ZPLD1: variants seen among roughly 807,000 people sequenced by gnomAD.
The protein encoded by ZPLD1 is zona pellucida-like domain-containing protein 1.
Under a neutral mutation model 47.2 loss-of-function variants are expected in ZPLD1, and 34 were observed. The observed-to-expected ratio is 0.72, with a 90% CI of 0.55 to 0.96. ZPLD1 has a LOEUF of 0.96. Ranked by LOEUF, ZPLD1 falls within the 40% of genes least tolerant of loss-of-function variation. The probability of loss-of-function intolerance (pLI) is 0.00; values close to 1 mark genes in which losing one functional copy is unlikely to be tolerated. For synonymous variants in ZPLD1, 176 were observed against 186.2 expected (o/e 0.95, Z 0.45); for missense variants, 512 against 505.8 (o/e 1.01, Z -0.12).
chr3:102,407,033 G>C (rs1706695587), intron 7 of ZPLD1, among the ~76,000 whole-genome samples: 1 of 151,668 alleles, frequency 6.6e-6, no homozygotes, highest in African/African-American at 2.4e-5. Context: ...CAGGTTCTGT[G>C]GGAGTAGCTC....
Position 102,435,023 on chromosome 3 carries a change from G to A in ZPLD1, c.-254G>A. The A allele has an allele frequency of 7.0e-7, 1 of 1,426,846 alleles. No homozygotes were observed. The highest frequency in any genetic ancestry group is 9.9e-7 in the Non-Finnish European group (1 of 1,013,314). The allele number at this position is 1,426,846 out of a possible 1,614,324, so 88.4% of individuals were successfully genotyped here. A position where few individuals can be genotyped will look rare whatever the true frequency, so the allele number is the denominator to read the frequency against. On this transcript the variant is annotated 5_prime_UTR_variant, in exon 1 of 12. Transcript: ENST00000466937. ...TATGTTTTTGAGGAATGTAAAGGGT[G>A]TTAACATAATCCCCCAATCCCATAC...
intron 4 of ZPLD1, 140 bp downstream of exon 4, chr3:102,453,279 G>C (rs1707367075): frequency 1.3e-6 from 1 of 747,340 alleles, no homozygotes; most frequent in Admixed American, 2.7e-5. Context: ...GCCTGTTTGA[G>C]GCATGCACTA....
At chr3:102,466,048 A>G (rs1375520224) in intron 8 of ZPLD1, among the ~76,000 whole-genome samples, 2 of 152,328 alleles carry the variant, frequency 1.3e-5, no homozygotes, top group East Asian at 3.9e-4. Flanking sequence ...TCAGAGCCTC[A>G]GAAGTGGCAG....
intron 11 of ZPLD1, 124 bp downstream of exon 11, chr3:102,477,165 C>A: frequency 9.1e-7 from 1 of 1,102,360 alleles, no homozygotes. Flanking sequence ...TAACAGTTCA[C>A]TGAGGGTTTT....
chr3:102,450,538 A>C (rs1707322259), intron 3 of ZPLD1, among the ~76,000 whole-genome samples: 1 of 152,166 alleles, frequency 6.6e-6, no homozygotes, highest in Non-Finnish European at 1.5e-5. Flanking sequence ...GAGCATGCAG[A>C]GGTAGGCAGG....
At chr3:102,395,970 A>G (rs1392091224) in intron 7 of ZPLD1, among the ~76,000 whole-genome samples, 1 of 152,180 alleles carries the variant, frequency 6.6e-6, no homozygotes, top group East Asian at 1.9e-4. Context: ...TGCTGCTTTT[A>G]ATAATGCATG....
intron 7 of ZPLD1, among the ~76,000 whole-genome samples, chr3:102,403,052 TTTA>T (rs1316664558): frequency 6.6e-6 from 1 of 151,912 alleles, no homozygotes; most frequent in Non-Finnish European, 1.5e-5. Flanking sequence ...CCACCCCTAC[TTTA>T]TTATTATTAT....
chr3:102,473,630 G>C (rs1224672160), intron 10 of ZPLD1, among the ~76,000 whole-genome samples: 1 of 151,982 alleles, frequency 6.6e-6, no homozygotes, highest in Non-Finnish European at 1.5e-5. Context: ...GGTCTTCTTT[G>C]ATCATCATGG....
At chr3:102,415,108 T>A (rs948496671) in intron 7 of ZPLD1, among the ~76,000 whole-genome samples, 7 of 151,860 alleles carry the variant, frequency 4.6e-5, no homozygotes, top group African/African-American at 1.7e-4. Context: ...CTGAGTCTGT[T>A]CTTATAATTC....
chr3:102,398,534 C>T (rs548644350), intron 7 of ZPLD1, among the ~76,000 whole-genome samples: 1 of 152,180 alleles, frequency 6.6e-6, no homozygotes, highest in South Asian at 2.1e-4. Flanking sequence ...TTATATACTA[C>T]CTCCAGAGAC....
chr3:102,423,782 A>G (rs926627639), intron 8 of ZPLD1, among the ~76,000 whole-genome samples: 3 of 152,112 alleles, frequency 2.0e-5, no homozygotes, highest in Non-Finnish European at 4.4e-5. Flanking sequence ...CAATGGTGGC[A>G]TGCATAGTCT....
intron 7 of ZPLD1, among the ~76,000 whole-genome samples, chr3:102,398,343 C>T (rs908507188): frequency 5.9e-5 from 9 of 152,124 alleles, no homozygotes; most frequent in East Asian, 5.8e-4. Context: ...AGGGAATTAG[C>T]GTACTTAGAT....
In ZPLD1 at chr3:102,435,018, A is replaced by G. The variant is rs1264703528; in HGVS notation, c.-259A>G. ...GATGATATGTTTTTGAGGAATGTAA[A>G]GGGTGTTAACATAATCCCCCAATCC... On this transcript the variant is annotated 5_prime_UTR_variant, in exon 1 of 12. Coordinates refer to ENST00000466937, the MANE Select transcript of ZPLD1 (RefSeq NM_001329788.2). The G allele has an allele frequency of 1.5e-6, 2 of 1,347,810 alleles. No individual in the cohort carries two copies. Among genetic ancestry groups the G allele is most frequent in the Non-Finnish European group, 2.1e-6 (2 of 944,002 alleles). The allele number at this position is 1,347,810 out of a possible 1,614,324, so 83.5% of individuals were successfully genotyped here. A position where few individuals can be genotyped will look rare whatever the true frequency, so the allele number is the denominator to read the frequency against.
At chr3:102,467,139 G>A (rs769630745) in intron 8 of ZPLD1, among the ~76,000 whole-genome samples, 10 of 151,956 alleles carry the variant, frequency 6.6e-5, no homozygotes, top group East Asian at 1.9e-4. Context: ...AACGACATAC[G>A]CAATAAGCTA....
At chr3:102,409,782 C>T (rs1048680949) in intron 7 of ZPLD1, among the ~76,000 whole-genome samples, 5 of 151,718 alleles carry the variant, frequency 3.3e-5, no homozygotes, top group Admixed American at 6.6e-5. Context: ...TAATGCCTTA[C>T]CTTGATTTCA....
chr3:102,385,304 T>G (rs1008607071), exon 6 of ZPLD1: 1 of 152,208 alleles, frequency 6.6e-6, no homozygotes, highest in African/African-American at 2.4e-5. Flanking sequence ...TGGAGTCCTC[T>G]TCACCTGAAA....
At chr3:102,402,120 C>T (rs563456354) in intron 7 of ZPLD1, among the ~76,000 whole-genome samples, 33 of 152,126 alleles carry the variant, frequency 2.2e-4, no homozygotes, top group African/African-American at 7.2e-4. Flanking sequence ...TAAAATGAGG[C>T]ATTTCTTAGC....
At chr3:102,389,475 C>G (rs1021475079) in intron 6 of ZPLD1, among the ~76,000 whole-genome samples, 1 of 152,058 alleles carries the variant, frequency 6.6e-6, no homozygotes, top group Non-Finnish European at 1.5e-5. Flanking sequence ...TCAAGGCATA[C>G]CAAAAATGAA....
At chr3:102,395,249 A>T (rs979021063) in intron 7 of ZPLD1, among the ~76,000 whole-genome samples, 3 of 151,676 alleles carry the variant, frequency 2.0e-5, no homozygotes, top group South Asian at 2.1e-4. Flanking sequence ...TTACTTACCA[A>T]ATATATATAT....
Sources: gnomAD v4.1 joint callset for allele counts (sites outside exome capture counted in the v4.1 genomes callset) on GRCh38, gnomAD v4.1.1 for gene constraint, MANE v1.5 for transcripts, NCBI Gene and HGNC (gene_info 2026-07-23, HGNC 2026-07-21) for gene names.